The following SLC14A2 variants were observed in gnomAD, a reference collection of about 807,000 sequenced individuals.
SLC14A2 encodes the protein urea transporter 2.
Under a neutral mutation model 104.6 loss-of-function variants are expected in SLC14A2, and 91 were observed. The ratio of observed to expected loss-of-function variants is 0.87; its 90% CI spans 0.73 to 1.04. SLC14A2 has a LOEUF of 1.04. SLC14A2 is among the 50% of genes least tolerant of loss of function. The pLI, the probability that SLC14A2 is intolerant of heterozygous loss-of-function variation, is 0.00. For missense variants in SLC14A2, 1,189 were observed against 1,156.0 expected, an observed-to-expected ratio of 1.03 and a Z score of -0.41; for synonymous variants, 476 against 466.4, an observed-to-expected ratio of 1.02 and a Z score of -0.27.
intron 2 of SLC14A2, among the ~76,000 whole-genome samples, chr18:45,603,484 A>G (rs2035534): frequency 0.73 from 110,856 of 151,916 alleles, 40,636 homozygotes; most frequent in East Asian, 0.85. Flanking sequence ...ATTCTGAAAG[A>G]TGTGAGTCCT....
upstream of SLC14A2, chr18:45,615,122 T>C (rs936920596): frequency 2.6e-5 from 4 of 152,222 alleles, no homozygotes; most frequent in Admixed American, 1.3e-4. Flanking sequence ...TACTGGCTCA[T>C]AGGTGGAAGG....
At chr18:45,564,714 G>A (rs1445530800) in intron 2 of SLC14A2, among the ~76,000 whole-genome samples, 2 of 152,148 alleles carry the variant, frequency 1.3e-5, no homozygotes, top group Non-Finnish European at 1.5e-5. Flanking sequence ...ATAAAAACAC[G>A]TGACTGTGTA....
At chr18:45,581,562 CAGACTGAGTTTTAA>C (rs1568284874) in intron 2 of SLC14A2, among the ~76,000 whole-genome samples, 1 of 152,176 alleles carries the variant, frequency 6.6e-6, no homozygotes, top group African/African-American at 2.4e-5. Context: ...CTGAGTCTTA[CAGACTGAGTTTTAA>C]TCCTGCCTCT....
chr18:45,673,573 C>G, intron 17 of SLC14A2, 110 bp from the exon 18 acceptor site: 2 of 1,223,252 alleles, frequency 1.6e-6, no homozygotes, highest in Non-Finnish European at 1.2e-6. Context: ...TGTATAACTA[C>G]CTAAGAAGAT....
intron 1 of SLC14A2, among the ~76,000 whole-genome samples, chr18:45,367,416 A>T (rs1227188716): frequency 6.6e-6 from 1 of 152,200 alleles, no homozygotes; most frequent in Non-Finnish European, 1.5e-5. Flanking sequence ...TCTGTCATGT[A>T]CAAGAACAAG....
intron 1 of SLC14A2, among the ~76,000 whole-genome samples, chr18:45,241,678 T>G (rs901728180): frequency 6.7e-6 from 1 of 149,808 alleles, no homozygotes; most frequent in Admixed American, 6.7e-5. Context: ...AGTTTCACTC[T>G]TGTTGCCCAG....
At chr18:45,398,828 G>C (rs1383132893) in intron 1 of SLC14A2, among the ~76,000 whole-genome samples, 1 of 152,156 alleles carries the variant, frequency 6.6e-6, no homozygotes, top group African/African-American at 2.4e-5. Flanking sequence ...TGGAAGTGTA[G>C]AGAGAGAATA....
At chr18:45,558,887 T>C (rs2044166931) in intron 2 of SLC14A2, among the ~76,000 whole-genome samples, 1 of 151,970 alleles carries the variant, frequency 6.6e-6, no homozygotes, top group East Asian at 1.9e-4. Flanking sequence ...GCCTCCTGGG[T>C]TCAATCGATT....
At chr18:45,280,410 G>C (rs1201190376) in intron 1 of SLC14A2, among the ~76,000 whole-genome samples, 1 of 152,152 alleles carries the variant, frequency 6.6e-6, no homozygotes, top group Non-Finnish European at 1.5e-5. Flanking sequence ...AAGCAGGTTG[G>C]AAGCGGCAGG....
At chr18:45,456,553 G>A (rs2086947021) in intron 1 of SLC14A2, among the ~76,000 whole-genome samples, 1 of 152,188 alleles carries the variant, frequency 6.6e-6, no homozygotes, top group South Asian at 2.1e-4. Context: ...CTCTCTCCAA[G>A]TGCTCAGGGA....
chr18:45,311,563 G>A (rs1006452664), intron 1 of SLC14A2, among the ~76,000 whole-genome samples: 1 of 152,210 alleles, frequency 6.6e-6, no homozygotes, highest in Non-Finnish European at 1.5e-5. Flanking sequence ...GCAGAGGTGA[G>A]TTAAAGACAT....
intron 10 of SLC14A2, among the ~76,000 whole-genome samples, chr18:45,662,159 C>T (rs557665367): frequency 3.0e-4 from 45 of 152,178 alleles, no homozygotes; most frequent in Non-Finnish European, 4.7e-4. Context: ...AAAAATTAGC[C>T]GGGTGTGATG....
intron 2 of SLC14A2, among the ~76,000 whole-genome samples, chr18:45,506,936 C>G (rs561978817): frequency 6.6e-6 from 1 of 152,294 alleles, no homozygotes; most frequent in African/African-American, 2.4e-5. Context: ...TGAGGGGAAC[C>G]TGACTTACCC....
chr18:45,304,132 T>C (rs2084994441), intron 1 of SLC14A2, among the ~76,000 whole-genome samples: 1 of 152,204 alleles, frequency 6.6e-6, no homozygotes, highest in Admixed American at 6.5e-5. Context: ...CAAGGAGCCA[T>C]TGCAAGGGAA....
At chr18:45,174,200 C>A in the SLC14A2 span, among the ~76,000 whole-genome samples, 1 of 152,068 alleles carries the variant, frequency 6.6e-6, no homozygotes, top group South Asian at 2.1e-4. Context: ...TGGAAGGGAG[C>A]ATGTCATAGA....
At chr18:45,315,167 G>A (rs962473663) in intron 1 of SLC14A2, among the ~76,000 whole-genome samples, 2 of 152,174 alleles carry the variant, frequency 1.3e-5, no homozygotes, top group African/African-American at 2.4e-5. Flanking sequence ...GGAGGCAGGG[G>A]AACCTACAGG....
intron 1 of SLC14A2, among the ~76,000 whole-genome samples, chr18:45,394,588 T>G (rs2086008104): frequency 6.6e-6 from 1 of 152,184 alleles, no homozygotes; most frequent in African/African-American, 2.4e-5. Flanking sequence ...TGATTTGCGT[T>G]TCCCTGATGA....
chr18:45,321,658 G>A (rs897858581), intron 1 of SLC14A2, among the ~76,000 whole-genome samples: 3 of 152,198 alleles, frequency 2.0e-5, no homozygotes, highest in Non-Finnish European at 2.9e-5. Context: ...TTATAAAGAA[G>A]AGCTGACACA....
intron 10 of SLC14A2, among the ~76,000 whole-genome samples, chr18:45,659,412 A>C (rs1445653243): frequency 6.6e-6 from 1 of 152,248 alleles, no homozygotes; most frequent in Non-Finnish European, 1.5e-5. Flanking sequence ...AAAAGAGCTT[A>C]GGGTTTCACA....
Sources: allele counts gnomAD v4.1 joint callset (sites outside exome capture counted in the v4.1 genomes callset), GRCh38; gene constraint gnomAD v4.1.1; transcripts MANE v1.5; gene names NCBI Gene and HGNC (gene_info 2026-07-23, HGNC 2026-07-21).